YLPM1: variants seen among roughly 807,000 people sequenced by gnomAD.
YLPM1 encodes the protein YLP motif-containing protein 1.
Under a neutral mutation model 230.0 loss-of-function variants are expected in YLPM1, and 99 were observed. The ratio of observed to expected loss-of-function variants is 0.43; its 90% CI spans 0.37 to 0.51. YLPM1 has a LOEUF of 0.51. Among genes scored for constraint, YLPM1 ranks in the 20% least tolerant of loss-of-function variants. The probability of loss-of-function intolerance (pLI) is 0.00; values close to 1 mark genes in which losing one functional copy is unlikely to be tolerated. For synonymous variants in YLPM1, 984 were observed against 942.5 expected, an observed-to-expected ratio of 1.04 and a Z score of -0.81; for missense variants, 2,592 against 2,707.7, an observed-to-expected ratio of 0.96 and a Z score of 0.95.
intron 9 of YLPM1, among the ~76,000 whole-genome samples, chr14:74,810,920 C>T (rs1329840938): frequency 6.6e-6 from 1 of 152,086 alleles, no homozygotes; most frequent in Non-Finnish European, 1.5e-5. Context: ...ACCTCCTGGG[C>T]TCAAGTGATC....
chr14:74,822,412 C>T (rs1237415899), intron 17 of YLPM1, among the ~76,000 whole-genome samples: 2 of 152,104 alleles, frequency 1.3e-5, no homozygotes, highest in Non-Finnish European at 2.9e-5. Context: ...ATTGAATGTA[C>T]TATTACTTTT....
At chr14:74,795,291 TC>T (rs1386843302) in intron 4 of YLPM1, among the ~76,000 whole-genome samples, 1 of 152,164 alleles carries the variant, frequency 6.6e-6, no homozygotes, top group Non-Finnish European at 1.5e-5. Flanking sequence ...ATTTGTTGTG[TC>T]CCCTAGTGGA....
intron 11 of YLPM1, 94 bp downstream of exon 11, chr14:74,812,876 A>G (rs2091447285): frequency 1.4e-6 from 2 of 1,416,418 alleles, no homozygotes; most frequent in South Asian, 1.5e-5. Context: ...TTTCTGCAAC[A>G]TAGTAATAAT....
intron 1 of YLPM1, among the ~76,000 whole-genome samples, chr14:74,770,619 C>T (rs1447368270): frequency 7.1e-6 from 1 of 141,088 alleles, no homozygotes; most frequent in African/African-American, 2.4e-5. Flanking sequence ...AGTGGGACTC[C>T]ATCTCAGTTA....
rs2091163543 is a variant in YLPM1, at chr14:74,787,730, A to G, written c.2282+5405A>G. On this transcript the variant is annotated intron_variant, in intron 4 of 20. Transcript: ENST00000325680. ...AATAATTTACAGAATTTAAGAATAAAGGGGCCGGGCATGGTGGCTCACATC... is the reference window on the plus strand; with the variant it reads ...AATAATTTACAGAATTTAAGAATAAGGGGGCCGGGCATGGTGGCTCACATC... 3.3e-5 allele frequency among the ~76,000 whole-genome samples: 5 copies of G among 152,074 alleles called. No homozygotes were observed. The South Asian group carries it at 1.0e-3, about 32-fold the overall frequency.
chr14:74,829,465 T>A, intron 19 of YLPM1, 122 bp downstream of exon 19: 1 of 1,350,886 alleles, frequency 7.4e-7, no homozygotes, highest in Non-Finnish European at 1.0e-6. Context: ...TTACGCTATG[T>A]CATGTATCCC....
chr14:74,831,475 G>A (rs2091608666), intron 19 of YLPM1, among the ~76,000 whole-genome samples: 1 of 152,012 alleles, frequency 6.6e-6, no homozygotes, highest in African/African-American at 2.4e-5. Context: ...GTGTAGTTCT[G>A]GTAACAATTA....
At chr14:74,765,975 C>T (rs534168787) in intron 1 of YLPM1, among the ~76,000 whole-genome samples, 12 of 152,180 alleles carry the variant, frequency 7.9e-5, no homozygotes, top group Non-Finnish European at 1.5e-4. Flanking sequence ...TTCATCCTAA[C>T]CTCCTCAACC....
chr14:74,781,964 G>A lies in YLPM1; in HGVS notation c.1921G>A (p.Gly641Arg). 1.9e-6 allele frequency: 3 copies of A among 1,613,548 alleles called. No individual in the cohort carries two copies. In the East Asian group the frequency reaches 6.7e-5, roughly 36 times the overall value. The change falls in exon 4 of 21, where the codon GGG (glycine) becomes AGG (arginine). Residue 641 changes from glycine to arginine, a missense_variant. Gly to Arg is a moderately radical substitution (Grantham distance 125, BLOSUM62 -2). Around this residue, in one of 4 missense-constraint regions of YLPM1, gnomAD observed 1,862 missense variants for 1,819.8 expected, o/e 1.02. Coordinates refer to ENST00000325680, the MANE Select transcript of YLPM1 (RefSeq NM_019589.3). ...AATACCTCCCCCTGGAGTTCCACAA[G>A]GGATACCTCCTCAGTTAACAGCAGC... ...PGIPPPGVPQ[G>R]IPPQLTAAPV...
At chr14:74,830,990 A>G (rs1156904561) in intron 19 of YLPM1, among the ~76,000 whole-genome samples, 1 of 152,218 alleles carries the variant, frequency 6.6e-6, no homozygotes, top group African/African-American at 2.4e-5. Flanking sequence ...TATTGCCAGT[A>G]CAGATGTGAA....
At chr14:74,802,936 T>C (rs1053766082) in intron 6 of YLPM1, among the ~76,000 whole-genome samples, 2 of 152,070 alleles carry the variant, frequency 1.3e-5, no homozygotes, top group African/African-American at 4.8e-5. Context: ...CACAAAATGG[T>C]AGAATTTTTC....
intron 3 of YLPM1, among the ~76,000 whole-genome samples, chr14:74,781,099 A>G (rs1045100510): frequency 2.0e-5 from 3 of 152,162 alleles, no homozygotes; most frequent in African/African-American, 7.2e-5. Context: ...TAAGATAGGT[A>G]TTTGCTTTAT....
At chr14:74,828,043 CA>C (rs1276208593) in intron 18 of YLPM1, 7 of 978,616 alleles carry the variant, frequency 7.2e-6, no homozygotes, top group East Asian at 2.3e-4. Flanking sequence ...GGCTTAGGAA[CA>C]AAAAACTTTG....
intron 1 of YLPM1, among the ~76,000 whole-genome samples, chr14:74,771,783 T>C (rs921365681): frequency 6.6e-6 from 1 of 152,126 alleles, no homozygotes; most frequent in African/African-American, 2.4e-5. Flanking sequence ...GACAACTCTT[T>C]CAAGAAGTTT....
At chr14:74,819,060 G>T (rs1164731647) in intron 16 of YLPM1, among the ~76,000 whole-genome samples, 3 of 152,052 alleles carry the variant, frequency 2.0e-5, no homozygotes, top group Non-Finnish European at 4.4e-5. Context: ...ACTTGGTTAA[G>T]GTGATATCCA....
Position 74,799,455 on chromosome 14 carries a change from G to A in YLPM1, c.4158G>A (p.Lys1386=). 1 of 1,614,004 alleles carries A rather than the reference G, an allele frequency of 6.2e-7. No homozygotes were observed. Among genetic ancestry groups the A allele is most frequent in the African/African-American group, 1.3e-5 (1 of 75,048 alleles). Residue 1386 remains lysine (K), a synonymous_variant, in exon 5 of 21, where the codon AAG becomes AAA. Coordinates refer to ENST00000325680, the MANE Select transcript of YLPM1 (RefSeq NM_019589.3). ...YPERGDTWRE[K]RDYVPDRMDW... is the part of the protein sequence containing the mutation. ...AAAGAGGAGATACATGGCGGGAAAA[G>A]CGAGATTATGTTCCTGACAGAATGG...
chr14:74,816,973 C>A lies in YLPM1; in HGVS notation c.5728C>A (p.Arg1910Ser). 6.2e-7 allele frequency: 1 copy of A among 1,602,026 alleles called. No homozygotes were observed. The highest frequency in any genetic ancestry group is 1.1e-5 in the South Asian group (1 of 88,248). ...TGAAGCTGAGATGGAGGAGACTTAC[C>A]GCACCAGCATGTTCAAAACTTTCAA... ...EYEAEMEETY[R>S]TSMFKTFKKT... is the part of the protein sequence containing the mutation. The change falls in exon 14 of 21, where the codon CGC becomes AGC. Residue 1910 changes from arginine (R) to serine (S), a missense_variant. Arg to Ser is a moderately radical substitution (Grantham distance 110). Around this residue, in one of 4 missense-constraint regions of YLPM1, gnomAD observed 315 missense variants for 429.3 expected, o/e 0.73. Coordinates refer to ENST00000325680, the MANE Select transcript of YLPM1 (RefSeq NM_019589.3).
At chr14:74,833,404 C>T (rs2091622226) in intron 19 of YLPM1, among the ~76,000 whole-genome samples, 1 of 152,068 alleles carries the variant, frequency 6.6e-6, no homozygotes, top group Non-Finnish European at 1.5e-5. Context: ...ACCCACCACA[C>T]ACCATGCCCA....
At position 74,836,884 on chromosome 14, in the gene YLPM1, C is replaced by G. The variant is rs1594851921; in HGVS notation, c.*1146C>G. ...TTTCTATGTAAACACAGAAAAGGGA[C>G]TCTTCCCTTTTTCATCCTGCAAAGA... On this transcript the variant is annotated 3_prime_UTR_variant, in exon 21 of 21. Transcript: ENST00000325680. The G allele has an allele frequency of 6.6e-6, 1 of 152,610 alleles. No individual in the cohort carries two copies. Among genetic ancestry groups the G allele is most frequent in the East Asian group, 1.9e-4 (1 of 5,184 alleles). The allele number at this position is 152,610 out of a possible 1,614,324, so 9.5% of individuals were successfully genotyped here. A position where few individuals can be genotyped will look rare whatever the true frequency, so the allele number is the denominator to read the frequency against.
Sources: gnomAD v4.1 joint callset for allele counts (sites outside exome capture counted in the v4.1 genomes callset) on GRCh38, gnomAD v4.1.1 for gene constraint, gnomAD v4.1.1 regional missense constraint, MANE v1.5 for transcripts, NCBI Gene and HGNC (gene_info 2026-07-23, HGNC 2026-07-21) for gene names.